The following DNAH9 variants were observed in gnomAD, a reference collection of about 807,000 sequenced individuals.
DNAH9 encodes the protein dynein axonemal heavy chain 9.
A neutral mutation model predicts 471.6 loss-of-function variants in DNAH9; 345 were observed. The observed-to-expected ratio is 0.73, with a 90% CI of 0.67 to 0.80. The LOEUF is 0.80. DNAH9 is among the 30% of genes least tolerant of loss of function. DNAH9 has a pLI of 0.00. For synonymous variants in DNAH9, 2,093 were observed against 2,123.6 expected, an observed-to-expected ratio of 0.99 and a Z score of 0.40; for missense variants, 5,407 against 5,609.2, an observed-to-expected ratio of 0.96 and a Z score of 1.15.
At chr17:11,950,858 T>G (rs1266639406) in intron 67 of DNAH9, among the ~76,000 whole-genome samples, 1 of 152,144 alleles carries the variant, frequency 6.6e-6, no homozygotes, top group Non-Finnish European at 1.5e-5. Context: ...TCTGAGTTCA[T>G]CTTATCTGCC....
At chr17:11,927,567 G>A (rs1285749928) in intron 62 of DNAH9, among the ~76,000 whole-genome samples, 1 of 152,132 alleles carries the variant, frequency 6.6e-6, no homozygotes, top group African/African-American at 2.4e-5. Context: ...GATGGTTGTA[G>A]GTGTGCAGGA....
Position 11,652,876 on chromosome 17 carries a change from T to G in DNAH9, c.2469T>G (p.Thr823=). The change falls in exon 14 of 69, where the codon ACT becomes ACG. Residue 823 remains threonine (T), a synonymous_variant. Coordinates refer to ENST00000262442, the MANE Select transcript of DNAH9 (RefSeq NM_001372.4). ...AAAACATCATGAAAACATGGGTGACTCCAATATTTAAGACAAAAGATGGAA... is the reference window on the plus strand; with the variant it reads ...AAAACATCATGAAAACATGGGTGACGCCAATATTTAAGACAAAAGATGGAA... ...EIQNIMKTWV[T]PIFKTKDGKR... 1.2e-6 allele frequency: 2 copies of G among 1,614,078 alleles called. No individual in the cohort carries two copies. Among genetic ancestry groups the G allele is most frequent in the Non-Finnish European group, 1.7e-6 (2 of 1,179,968 alleles).
chr17:11,943,428 C>T (rs1386524811), intron 67 of DNAH9, among the ~76,000 whole-genome samples: 2 of 152,012 alleles, frequency 1.3e-5, no homozygotes, highest in East Asian at 3.9e-4. Context: ...CCTGTAATCC[C>T]AGCACTTTGG....
intron 49 of DNAH9, among the ~76,000 whole-genome samples, chr17:11,843,890 T>TATATATATATATACACAC (rs1389217941): frequency 5.5e-5 from 7 of 127,226 alleles, no homozygotes; most frequent in African/African-American, 2.2e-4. Context: ...TATATATATA[T>TATATATATATATACACAC]ACACATAGAG....
intron 45 of DNAH9, 33 bp from the exon 46 acceptor site, chr17:11,821,887 A>G: frequency 1.9e-6 from 3 of 1,594,514 alleles, no homozygotes; most frequent in Non-Finnish European, 2.6e-6. Context: ...ACGAGATGCC[A>G]AGGCTGCCTA....
chr17:11,874,885 A>G (rs1054524552), intron 52 of DNAH9, 64 bp from the exon 53 acceptor site: 9 of 1,217,842 alleles, frequency 7.4e-6, no homozygotes, highest in Non-Finnish European at 1.1e-5. Flanking sequence ...GAGTAACTGC[A>G]TTCATCCCAG....
intron 27 of DNAH9, 92 bp from the exon 28 acceptor site, chr17:11,727,726 A>G: frequency 1.2e-6 from 1 of 807,238 alleles, no homozygotes; most frequent in Non-Finnish European, 2.1e-6. Context: ...GGGGACTAGA[A>G]GTATCTATAA....
At chr17:11,800,039 A>T (rs1040633508) in intron 43 of DNAH9, among the ~76,000 whole-genome samples, 1 of 152,202 alleles carries the variant, frequency 6.6e-6, no homozygotes, top group African/African-American at 2.4e-5. Context: ...TACCCTAAGC[A>T]TGTTGCTTCT....
At chr17:11,779,734 T>G (rs1263386958) in intron 38 of DNAH9, among the ~76,000 whole-genome samples, 1 of 152,182 alleles carries the variant, frequency 6.6e-6, no homozygotes, top group African/African-American at 2.4e-5. Flanking sequence ...TATATTTCAT[T>G]TTGACAGATC....
At chr17:11,947,095 C>G (rs1223779441) in intron 67 of DNAH9, among the ~76,000 whole-genome samples, 4 of 152,208 alleles carry the variant, frequency 2.6e-5, no homozygotes, top group Non-Finnish European at 4.4e-5. Context: ...AGGAAGGCAT[C>G]ATCTGGGGGC....
At chr17:11,615,968 G>A (rs2150649256) in intron 4 of DNAH9, among the ~76,000 whole-genome samples, 1 of 152,220 alleles carries the variant, frequency 6.6e-6, no homozygotes, top group East Asian at 1.9e-4. Context: ...AATTTACTGT[G>A]ACATCTGACT....
chr17:11,640,268 A>C lies in DNAH9; in HGVS notation c.1787-2A>C, dbSNP rs772242627. 4 of 1,605,716 alleles carry C rather than the reference A, an allele frequency of 2.5e-6. No individual in the cohort carries two copies. Among genetic ancestry groups the C allele is most frequent in the Non-Finnish European group, 2.6e-6 (3 of 1,173,278 alleles). The stretch of plus-strand genomic sequence containing the variant: ...TTCGGTCTGTCTGTGCCATGTCTCC[A>C]GGGTTCTCCCCGGTGCACAAGAACA... On this transcript the variant is annotated splice_acceptor_variant, in intron 9 of 68. Transcript: ENST00000262442. LOFTEE classifies it high-confidence loss of function.
At chr17:11,903,407 G>T (rs1973481187) in intron 60 of DNAH9, among the ~76,000 whole-genome samples, 1 of 152,148 alleles carries the variant, frequency 6.6e-6, no homozygotes, top group Admixed American at 6.5e-5. Context: ...TCACTGGTGT[G>T]ATATAAATGT....
intron 53 of DNAH9, among the ~76,000 whole-genome samples, chr17:11,877,808 C>A (rs1972562784): frequency 6.6e-6 from 1 of 152,148 alleles, no homozygotes; most frequent in Non-Finnish European, 1.5e-5. Context: ...TATCTCGGCT[C>A]ACTGCAACCT....
rs979944700 is a variant in DNAH9 at position 11,874,824 on chromosome 17, A to G, written c.10243-125A>G. The G allele has an allele frequency of 8.4e-6, 6 of 714,236 alleles. No homozygotes were observed. In the Admixed American group the frequency reaches 1.5e-4, roughly 18 times the overall value. 44.2% of individuals were successfully genotyped at this position (714,236 alleles called of 1,614,324 possible). ...GAAATAATCACACAGCCAGAAAGGC[A>G]TTCTTCAGTGGGATGTTGATCTTGC... is the stretch of plus-strand genomic sequence containing the variant. On this transcript the variant is annotated intron_variant, in intron 52 of 68. Coordinates refer to ENST00000262442, the MANE Select transcript of DNAH9 (RefSeq NM_001372.4).
intron 67 of DNAH9, among the ~76,000 whole-genome samples, chr17:11,945,500 T>C (rs1053180530): frequency 6.7e-6 from 1 of 148,498 alleles, no homozygotes; most frequent in Non-Finnish European, 1.5e-5. Flanking sequence ...ACTGTGACAC[T>C]GCACTCCAGC....
Position 11,702,629 on chromosome 17 carries a change from C to A in DNAH9, c.5151+1382C>A, listed in dbSNP as rs114750922. 9.2e-3 allele frequency among the ~76,000 whole-genome samples: 1,407 copies of A among 152,222 alleles called. 23 individuals are homozygous for A. Among genetic ancestry groups the A allele is most frequent in the African/African-American group, 0.032 (1,311 of 41,538 alleles). ...GGAAACAGTAATCATGGAAACCAAG[C>A]AAGAAACTGTTGGTAGCAGGTAAGA... is the stretch of plus-strand genomic sequence containing the variant. On this transcript the variant is annotated intron_variant, in intron 24 of 68. Coordinates refer to ENST00000262442, the MANE Select transcript of DNAH9 (RefSeq NM_001372.4).
intron 22 of DNAH9, among the ~76,000 whole-genome samples, chr17:11,695,553 A>G (rs1178117820): frequency 1.3e-5 from 2 of 152,188 alleles, no homozygotes; most frequent in Admixed American, 6.5e-5. Flanking sequence ...AACTTTCCTT[A>G]TCTGTAAAAC....
At position 11,626,482 on chromosome 17, in the gene DNAH9, A is replaced by C. The variant is rs1011072506; in HGVS notation, c.1351-2935A>C. Among the ~76,000 whole-genome samples, 1 of 152,172 alleles carries C rather than the reference A, an allele frequency of 6.6e-6. No individual in the cohort carries two copies. The highest frequency in any genetic ancestry group is 1.5e-5 in the Non-Finnish European group (1 of 68,028). On this transcript the variant is annotated intron_variant, in intron 6 of 68. Coordinates refer to ENST00000262442, the MANE Select transcript of DNAH9 (RefSeq NM_001372.4). The surrounding 1 kb of genome is among the most constrained non-coding windows in gnomAD (Gnocchi z 4.3). ...ATGCCTCCAACATCAAACTTATTAAAACCCCTTCAGCGATGGAGAGCTCCC... is the reference window on the plus strand; with the variant it reads ...ATGCCTCCAACATCAAACTTATTAACACCCCTTCAGCGATGGAGAGCTCCC...
Sources: gnomAD v4.1 joint callset for allele counts (sites outside exome capture counted in the v4.1 genomes callset) on GRCh38, gnomAD v4.1.1 for gene constraint, Gnocchi (gnomAD v3.1) non-coding constraint, MANE v1.5 for transcripts, NCBI Gene and HGNC (gene_info 2026-07-23, HGNC 2026-07-21) for gene names.